The following IQCM variants were observed in gnomAD, a reference collection of about 807,000 sequenced individuals.
IQCM encodes the protein IQ domain-containing protein M.
In IQCM, 45 loss-of-function variants were observed where a neutral mutation model predicts 57.6. That is an observed-to-expected ratio of 0.78 (90% CI 0.62 to 1.00). The LOEUF is 1.00. Ranked by LOEUF, IQCM falls within the 50% of genes least tolerant of loss-of-function variation. IQCM has a pLI of 0.00. For synonymous variants in IQCM, 148 were observed against 158.9 expected (o/e 0.93, Z 0.51); for missense variants, 468 against 511.6 (o/e 0.91, Z 0.82).
At chr4:149,760,023 G>GAAGAA (rs1554036722) in intron 2 of IQCM, among the ~76,000 whole-genome samples, 4 of 150,612 alleles carry the variant, frequency 2.7e-5, no homozygotes, top group Non-Finnish European at 5.9e-5. Flanking sequence ...AGGAAGGAAG[G>GAAGAA]AAGGGAAGGG....
chr4:149,423,714 A>C (rs755442012), intron 13 of IQCM, among the ~76,000 whole-genome samples: 2 of 152,072 alleles, frequency 1.3e-5, no homozygotes, highest in African/African-American at 4.8e-5. Flanking sequence ...CCCAGTCTAA[A>C]CCAATACATG....
chr4:149,754,903 A>G (rs748098330), intron 2 of IQCM, among the ~76,000 whole-genome samples: 1 of 152,062 alleles, frequency 6.6e-6, no homozygotes, highest in Non-Finnish European at 1.5e-5. Context: ...TCACCAAACC[A>G]TCTCAAATTT....
chr4:149,366,371 C>G, intron 13 of IQCM, among the ~76,000 whole-genome samples: 1 of 151,886 alleles, frequency 6.6e-6, no homozygotes, highest in Non-Finnish European at 1.5e-5. Flanking sequence ...TTTCAATCCT[C>G]TTTCCCAGCT....
chr4:149,582,277 G>GGTCA (rs1447344863), intron 9 of IQCM, among the ~76,000 whole-genome samples: 2 of 98,238 alleles, frequency 2.0e-5, no homozygotes, highest in African/African-American at 6.6e-5. Flanking sequence ...TATTTAGATG[G>GGTCA]GTCAGTCAAT....
chr4:149,654,818 G>C (rs753960743), intron 7 of IQCM, among the ~76,000 whole-genome samples: 2 of 152,120 alleles, frequency 1.3e-5, no homozygotes, highest in Non-Finnish European at 2.9e-5. Flanking sequence ...TATGATTTAA[G>C]ATATGCTGTA....
chr4:149,637,340 C>A (rs112195110), intron 7 of IQCM, among the ~76,000 whole-genome samples: 2 of 151,980 alleles, frequency 1.3e-5, no homozygotes, highest in African/African-American at 4.8e-5. Flanking sequence ...CATGTAAGAA[C>A]TGTACACTCA....
At chr4:149,482,330 T>A (rs1480078873) in intron 12 of IQCM, among the ~76,000 whole-genome samples, 1 of 152,038 alleles carries the variant, frequency 6.6e-6, no homozygotes, top group African/African-American at 2.4e-5. Context: ...ATAACAGTGG[T>A]GAAAGTAGGC....
intron 13 of IQCM, among the ~76,000 whole-genome samples, chr4:149,352,553 T>A (rs1444751496): frequency 2.0e-5 from 3 of 152,218 alleles, no homozygotes; most frequent in Non-Finnish European, 4.4e-5. Flanking sequence ...ATACATTATA[T>A]GCAAATACTA....
intron 2 of IQCM, among the ~76,000 whole-genome samples, chr4:149,807,191 A>C (rs1293895167): frequency 6.6e-6 from 1 of 152,042 alleles, no homozygotes; most frequent in Non-Finnish European, 1.5e-5. Flanking sequence ...GAAAGACCCC[A>C]AATAGCTAGA....
intron 8 of IQCM, among the ~76,000 whole-genome samples, chr4:149,612,150 T>C (rs997927634): frequency 1.3e-5 from 2 of 151,888 alleles, no homozygotes; most frequent in African/African-American, 4.8e-5. Context: ...CAATCAGATC[T>C]TGTGGAAATT....
rs535983180 is a variant in IQCM, at chr4:149,405,864, C to T, written c.1390+27532G>A. Among the ~76,000 whole-genome samples the T allele has an allele frequency of 5.6e-4, 72 of 129,142 alleles. 1 individual carries two copies. In the South Asian group the frequency reaches 0.019, roughly 33 times the overall value. 84.7% of individuals were successfully genotyped at this position (129,142 alleles called of 152,430 possible). On this transcript the variant is annotated intron_variant, in intron 13 of 13. Coordinates refer to ENST00000636793, the MANE Select transcript of IQCM (RefSeq NM_001363507.2). ...ATATATATATATGCTCCAGATATAT[C>T]TCTCTCCATATATATATATATCTTC...
At chr4:149,523,914 T>C (rs1745909120) in intron 12 of IQCM, among the ~76,000 whole-genome samples, 1 of 151,564 alleles carries the variant, frequency 6.6e-6, no homozygotes, top group Admixed American at 6.6e-5. Context: ...GACTGAAGAG[T>C]GGGTGGAAAT....
intron 5 of IQCM, among the ~76,000 whole-genome samples, chr4:149,725,312 C>CTA (rs1258378074): frequency 6.6e-6 from 1 of 152,166 alleles, no homozygotes; most frequent in Non-Finnish European, 1.5e-5. Flanking sequence ...AGACTTTAAT[C>CTA]AAGTTCTGGG....
chr4:149,580,110 A>T (rs1752036341), intron 9 of IQCM, among the ~76,000 whole-genome samples: 1 of 151,818 alleles, frequency 6.6e-6, no homozygotes, highest in African/African-American at 2.4e-5. Context: ...CATCAGACTA[A>T]AAATGATAGA....
At chr4:149,711,718 A>G (rs1290224935) in intron 5 of IQCM, among the ~76,000 whole-genome samples, 3 of 152,182 alleles carry the variant, frequency 2.0e-5, no homozygotes, top group Non-Finnish European at 4.4e-5. Flanking sequence ...AGCTACAACC[A>G]GCTATTCCAG....
chr4:149,814,162 C>T (rs891798780), intron 2 of IQCM, among the ~76,000 whole-genome samples: 5 of 151,942 alleles, frequency 3.3e-5, no homozygotes, highest in African/African-American at 1.2e-4. Flanking sequence ...GCAATAAAAA[C>T]TTTGGCACAC....
intron 12 of IQCM, among the ~76,000 whole-genome samples, chr4:149,504,284 T>C (rs1743559678): frequency 6.6e-6 from 1 of 152,200 alleles, no homozygotes; most frequent in South Asian, 2.1e-4. Flanking sequence ...GTTAAACAAT[T>C]CTATGTTAAA....
At chr4:149,413,192 C>T (rs1332729694) in intron 13 of IQCM, among the ~76,000 whole-genome samples, 1 of 152,200 alleles carries the variant, frequency 6.6e-6, no homozygotes, top group African/African-American at 2.4e-5. Flanking sequence ...CATTCTATGT[C>T]TGTTTACCCT....
intron 7 of IQCM, among the ~76,000 whole-genome samples, chr4:149,645,284 G>A (rs899105038): frequency 6.6e-6 from 1 of 152,118 alleles, no homozygotes; most frequent in African/African-American, 2.4e-5. Context: ...TAATTTTAAT[G>A]TAACTTAATC....
Sources: allele counts gnomAD v4.1 joint callset (sites outside exome capture counted in the v4.1 genomes callset), GRCh38; gene constraint gnomAD v4.1.1; transcripts MANE v1.5; gene names NCBI Gene and HGNC (gene_info 2026-07-23, HGNC 2026-07-21).